DNAH9: variants seen among roughly 807,000 people sequenced by gnomAD.
The protein encoded by DNAH9 is DNAH9 variant protein.
DNAH9 carries 345 observed loss-of-function variants against 471.6 expected under a neutral mutation model. The ratio of observed to expected loss-of-function variants is 0.73; its 90% confidence interval spans 0.67 to 0.80. DNAH9 has a LOEUF of 0.80. DNAH9 is among the 30% of genes least tolerant of loss of function. The pLI is 0.00. For synonymous variants in DNAH9, 2,093 were observed against 2,123.6 expected (o/e 0.99, Z 0.40); for missense variants, 5,407 against 5,609.2 (o/e 0.96, Z 1.15).
At chr17:11,815,568 C>T (rs1970068650) in intron 45 of DNAH9, among the ~76,000 whole-genome samples, 1 of 152,146 alleles carries the variant, frequency 6.6e-6, no homozygotes, top group South Asian at 2.1e-4. Context: ...ATGGGCGGGT[C>T]ACTTGAGCCC....
intron 7 of DNAH9, 90 bp downstream of exon 7, chr17:11,629,674 T>A: frequency 8.2e-7 from 1 of 1,212,846 alleles, no homozygotes; most frequent in African/African-American, 1.5e-5. Context: ...GCATTTTCCC[T>A]GTGTATTTCC....
Position 11,797,650 on chromosome 17 carries a change from T to C in DNAH9, c.8277T>C (p.Phe2759=). Residue 2759 remains phenylalanine, a synonymous_variant, in exon 43 of 69, where the codon TTT becomes TTC. Coordinates refer to ENST00000262442, the MANE Select transcript of DNAH9 (RefSeq NM_001372.4). ...AAAGCCCGAACCTGTATTGTCACTT[T>C]GCAAATGGTATTGGGGAGCCCAAAT... ...QTQSPNLYCH[F]ANGIGEPKYM... is the part of the protein sequence containing the mutation. 1 of 1,614,204 alleles carries C rather than the reference T, an allele frequency of 6.2e-7. No individual in the cohort carries two copies. The highest frequency in any genetic ancestry group is 8.5e-7 in the Non-Finnish European group (1 of 1,180,042).
At chr17:11,777,266 C>T (rs16945321) in intron 38 of DNAH9, among the ~76,000 whole-genome samples, 6,803 of 152,184 alleles carry the variant, frequency 0.045, 188 homozygotes, top group African/African-American at 0.069. Flanking sequence ...TCAATTTTTA[C>T]GTGTTTACAG....
Position 11,714,115 on chromosome 17 carries a change from G to T in DNAH9, c.5553-5219G>T, listed in dbSNP as rs543957436. Among the ~76,000 whole-genome samples the T allele has an allele frequency of 6.6e-5, 10 of 152,274 alleles. No homozygotes were observed. The South Asian group carries it at 2.1e-3, about 32-fold the overall frequency. On this transcript the variant is annotated intron_variant, in intron 26 of 68. Transcript: ENST00000262442. ...ATTTTCAAAGTTTAAATATTAAAGC[G>T]TTATCAAAGGAACGGATTTGTTTTA...
rs374160786 is a variant in DNAH9, at chr17:11,761,201, C to T, written c.6996-2239C>T. Among the ~76,000 whole-genome samples, 792 of 150,520 alleles carry T rather than the reference C, an allele frequency of 5.3e-3. 6 individuals carry two copies. The highest frequency in any genetic ancestry group is 0.019 in the African/African-American group (771 of 40,960). On this transcript the variant is annotated intron_variant, in intron 35 of 68. Transcript: ENST00000262442. ...ACTTCTAGTCACACAGTCATACATA[C>T]ACATGTGTGTTAGTCCAGTGAAAAT...
intron 28 of DNAH9, among the ~76,000 whole-genome samples, chr17:11,734,841 C>T (rs79528378): frequency 0.014 from 2,194 of 152,316 alleles, 70 homozygotes; most frequent in African/African-American, 0.051. Flanking sequence ...CTGTTCAACA[C>T]CCTCCCGTCT....
At chr17:11,791,749 T>C (rs1213393094) in intron 41 of DNAH9, among the ~76,000 whole-genome samples, 1 of 152,144 alleles carries the variant, frequency 6.6e-6, no homozygotes, top group Non-Finnish European at 1.5e-5. Context: ...AAACTAATAA[T>C]TCTTCTATAA....
At chr17:11,742,120 C>T (rs2075441440) in intron 29 of DNAH9, 55 bp from the exon 30 acceptor site, 3 of 1,566,560 alleles carry the variant, frequency 1.9e-6, no homozygotes, top group South Asian at 1.1e-5. Context: ...TTGCAGTCTC[C>T]TCTTCAACAC....
chr17:11,935,439 G>T (rs1014355131), intron 65 of DNAH9, among the ~76,000 whole-genome samples: 2 of 148,986 alleles, frequency 1.3e-5, no homozygotes, highest in Admixed American at 6.7e-5. Context: ...GGAATAGCGC[G>T]ATCTCGGCTC....
chr17:11,720,250 TTTC>T (rs980213278), intron 27 of DNAH9, among the ~76,000 whole-genome samples: 6 of 151,630 alleles, frequency 4.0e-5, no homozygotes, highest in African/African-American at 1.5e-4. Flanking sequence ...TTTCTTTTTT[TTTC>T]TTTTTTTAAT....
Position 11,871,783 on chromosome 17 carries a change from GA to G in DNAH9, c.10242del (p.Thr3415LeufsTer12). The stretch of plus-strand genomic sequence containing the variant: ...CTTGGAGGCCCTACCTGAGCCAGCT[GA>G]AAGTACGTATGGCCTGAATTTCTCC... ...RTWRPYLSQL[K>X]TPIPVTPALD... On this transcript the variant is annotated frameshift_variant and splice_region_variant, in exon 52 of 69. Coordinates refer to ENST00000262442, the MANE Select transcript of DNAH9 (RefSeq NM_001372.4). LOFTEE classifies it high-confidence loss of function. The G allele has an allele frequency of 6.2e-7, 1 of 1,613,958 alleles. No individual in the cohort carries two copies. The highest frequency in any genetic ancestry group is 8.5e-7 in the Non-Finnish European group (1 of 1,179,876).
chr17:11,781,275 C>A (rs1968656673), intron 39 of DNAH9, 101 bp downstream of exon 39: 1 of 1,264,348 alleles, frequency 7.9e-7, no homozygotes, highest in Non-Finnish European at 1.1e-6. Flanking sequence ...CTCAGCATAG[C>A]TCTGGTGCCA....
chr17:11,756,763 G>C lies in DNAH9; in HGVS notation c.6847+87G>C. On this transcript the variant is annotated intron_variant, in intron 34 of 68. Coordinates refer to ENST00000262442, the MANE Select transcript of DNAH9 (RefSeq NM_001372.4). Reference sequence around the variant, plus strand: ...ACACGTAGTTTTGCTGGCTCAGAAGGAATCTCCACATGGGAGCCAGAAGCC... The same window carrying C: ...ACACGTAGTTTTGCTGGCTCAGAAGCAATCTCCACATGGGAGCCAGAAGCC... The C allele has an allele frequency of 7.2e-6, 6 of 829,524 alleles. No individual in the cohort carries two copies. The South Asian group carries it at 8.7e-5, about 12-fold the overall frequency. The allele number at this position is 829,524 out of a possible 1,614,324, so 51.4% of individuals were successfully genotyped here.
chr17:11,698,334 T>C (rs1273664476), intron 22 of DNAH9, among the ~76,000 whole-genome samples: 1 of 141,684 alleles, frequency 7.1e-6, no homozygotes, highest in Non-Finnish European at 1.5e-5. Flanking sequence ...ATTAATATTC[T>C]ATATTATACA....
At chr17:11,935,895 G>T (rs184765936) in intron 65 of DNAH9, among the ~76,000 whole-genome samples, 11 of 152,238 alleles carry the variant, frequency 7.2e-5, no homozygotes, top group Admixed American at 5.2e-4. Flanking sequence ...GCTCTTTAAG[G>T]AAAATAAGAG....
chr17:11,748,937 A>T (rs1161277576), intron 32 of DNAH9, among the ~76,000 whole-genome samples: 2 of 152,094 alleles, frequency 1.3e-5, no homozygotes, highest in East Asian at 3.9e-4. Flanking sequence ...GAACACAAGG[A>T]TTTAACAACC....
At chr17:11,772,226 A>ATAAATT (rs147474115) in intron 38 of DNAH9, among the ~76,000 whole-genome samples, 43,670 of 151,448 alleles carry the variant, frequency 0.29, 10,504 homozygotes, top group African/African-American at 0.66. Context: ...ACTAAATAGA[A>ATAAATT]TAATAATTTA....
At chr17:11,815,199 G>GTTT (rs11429811) in intron 45 of DNAH9, among the ~76,000 whole-genome samples, 11 of 148,348 alleles carry the variant, frequency 7.4e-5, no homozygotes, top group South Asian at 2.1e-4. Context: ...GTAATAAACT[G>GTTT]TTTTTTTTTT....
intron 36 of DNAH9, among the ~76,000 whole-genome samples, chr17:11,767,397 ATCTTT>A (rs1967998280): frequency 6.6e-6 from 1 of 152,160 alleles, no homozygotes; most frequent in South Asian, 2.1e-4. Flanking sequence ...CATCAAACAA[ATCTTT>A]TCTTATCTTA....
Sources: allele counts gnomAD v4.1 joint callset (sites outside exome capture counted in the v4.1 genomes callset), GRCh38; gene constraint gnomAD v4.1.1; transcripts MANE v1.5; gene names NCBI Gene and HGNC (gene_info 2026-07-23, HGNC 2026-07-21).